COLQ: variants seen among roughly 807,000 people sequenced by gnomAD.
COLQ encodes acetylcholinesterase collagenic tail peptide.
A neutral mutation model predicts 69.0 loss-of-function variants in COLQ; 48 were observed. That is an observed-to-expected ratio of 0.70 (90% CI 0.55 to 0.88). The LOEUF (loss-of-function observed/expected upper bound fraction) is 0.88. Ranked by LOEUF, COLQ falls within the 40% of genes least tolerant of loss-of-function variation. COLQ has a pLI of 0.00. For synonymous variants in COLQ, 217 were observed against 211.2 expected, an observed-to-expected ratio of 1.03 and a Z score of -0.24; for missense variants, 618 against 594.6, an observed-to-expected ratio of 1.04 and a Z score of -0.41.
chr3:15,470,524 T>G lies in COLQ; in HGVS notation c.717+12A>C, dbSNP rs2062263545. On this transcript the variant is annotated intron_variant, in intron 11 of 16. Coordinates refer to ENST00000383788, the MANE Select transcript of COLQ (RefSeq NM_005677.4). ...CTGACCTCAGGCGGGTGGTAAGCCCTGGGATCCTTACCTGCTTGCCTCGTT... is the reference window on the plus strand; with the variant it reads ...CTGACCTCAGGCGGGTGGTAAGCCCGGGGATCCTTACCTGCTTGCCTCGTT... 6.2e-7 allele frequency: 1 copy of G among 1,612,414 alleles called. No individual in the cohort carries two copies. Among genetic ancestry groups the G allele is most frequent in the Admixed American group, 1.7e-5 (1 of 59,996 alleles).
chr3:15,456,528 C>T lies in COLQ; in HGVS notation c.1006G>A (p.Ala336Thr), dbSNP rs1221084401. Residue 336 changes from alanine (A) to threonine (T), a missense_variant, in exon 14 of 17, where the codon GCC (alanine) becomes ACC (threonine). Transcript: ENST00000383788. ...CTCTGGTCTCTGCGGAAGGCAATGG[C>T]GTTTTGGGTGTTCAGCCTCTCAAGC... is the stretch of plus-strand genomic sequence containing the variant. ...EELERLNTQN[A>T]IAFRRDQRSL... 1.2e-6 allele frequency: 2 copies of T among 1,613,988 alleles called. No homozygotes were observed. Among genetic ancestry groups the T allele is most frequent in the African/African-American group, 1.3e-5 (1 of 74,892 alleles).
At chr3:15,451,996 G>C (rs2061949948) in intron 16 of COLQ, among the ~76,000 whole-genome samples, 1 of 151,992 alleles carries the variant, frequency 6.6e-6, no homozygotes, top group South Asian at 2.1e-4. Context: ...AAAATGTCCT[G>C]TATCTGTGAA....
rs777173553 is a variant in COLQ at position 15,474,912 on chromosome 3, G to T, written c.555+13C>A. 2 of 1,613,978 alleles carry T rather than the reference G, an allele frequency of 1.2e-6. No individual in the cohort carries two copies. The highest frequency in any genetic ancestry group is 1.7e-6 in the Non-Finnish European group (2 of 1,179,982). On this transcript the variant is annotated intron_variant, in intron 8 of 16. Coordinates refer to ENST00000383788, the MANE Select transcript of COLQ (RefSeq NM_005677.4). ...GACCAGGCTCTAGGACACCATCCAA[G>T]AAAAGCACTAACCTTTTCCCCTCTG...
At chr3:15,518,647 C>T (rs972275751) in intron 1 of COLQ, among the ~76,000 whole-genome samples, 1 of 152,222 alleles carries the variant, frequency 6.6e-6, no homozygotes. Flanking sequence ...AATAGTCTTT[C>T]TTGAAGACAG....
intron 2 of COLQ, among the ~76,000 whole-genome samples, chr3:15,489,207 C>A (rs901455770): frequency 7.9e-5 from 12 of 152,196 alleles, no homozygotes; most frequent in African/African-American, 2.9e-4. Context: ...CATGTTTGAG[C>A]AGCTGATGGG....
chr3:15,497,034 G>C (rs1362977888), intron 1 of COLQ, among the ~76,000 whole-genome samples: 3 of 133,586 alleles, frequency 2.2e-5, no homozygotes, highest in Non-Finnish European at 3.1e-5. Context: ...AAGTCCTTTT[G>C]CCTTTTTTTT....
intron 13 of COLQ, among the ~76,000 whole-genome samples, chr3:15,457,509 C>A (rs373513002): frequency 2.0e-5 from 3 of 152,134 alleles, no homozygotes; most frequent in African/African-American, 7.2e-5. Context: ...GGGTTCATTA[C>A]ACTATTTGTT....
At chr3:15,456,391 C>T in intron 14 of COLQ, 69 bp downstream of exon 14, 1 of 1,602,686 alleles carries the variant, frequency 6.2e-7, no homozygotes, top group Non-Finnish European at 8.5e-7. Flanking sequence ...GGGTGGCCTT[C>T]CCTTCCTTTA....
chr3:15,498,814 GA>G (rs1192614125), intron 1 of COLQ: 1 of 1,469,116 alleles, frequency 6.8e-7, no homozygotes, highest in African/African-American at 1.4e-5. Flanking sequence ...AGCTGCCCAT[GA>G]ACACTGCTGT....
rs542160689 is a variant in COLQ at position 15,489,487 on chromosome 3, T to C, written c.219+38A>G. ...GCTGCGTGGTGTGCACTGAGTAGCC[T>C]GCACTTTTTTTCCTCTCATAAATCC... On this transcript the variant is annotated intron_variant, in intron 2 of 16. Coordinates refer to ENST00000383788, the MANE Select transcript of COLQ (RefSeq NM_005677.4). 2.3e-5 allele frequency: 37 copies of C among 1,595,482 alleles called. No homozygotes were observed. In the South Asian group the frequency reaches 3.5e-4, roughly 15 times the overall value.
At chr3:15,452,105 C>T (rs1243813127) in intron 16 of COLQ, among the ~76,000 whole-genome samples, 1 of 149,788 alleles carries the variant, frequency 6.7e-6, no homozygotes, top group Non-Finnish European at 1.5e-5. Flanking sequence ...TTCGCTCTGT[C>T]CCCCAGGCTG....
chr3:15,452,160 A>G (rs9876391), intron 16 of COLQ, among the ~76,000 whole-genome samples: 11,269 of 150,328 alleles, frequency 0.075, 775 homozygotes, highest in African/African-American at 0.18. Flanking sequence ...TCTGCCTCCC[A>G]GGTTCAAGCG....
At chr3:15,458,652 G>T (rs1192538647) in intron 12 of COLQ, among the ~76,000 whole-genome samples, 1 of 152,190 alleles carries the variant, frequency 6.6e-6, no homozygotes, top group Non-Finnish European at 1.5e-5. Context: ...GGCTCATGGG[G>T]CCTGGGGCCC....
chr3:15,470,733 T>C, intron 10 of COLQ, 117 bp from the exon 11 acceptor site: 2 of 969,002 alleles, frequency 2.1e-6, no homozygotes, highest in Non-Finnish European at 3.4e-6. Flanking sequence ...TCCGAATCTA[T>C]GCCAACTGGG....
intron 1 of COLQ, among the ~76,000 whole-genome samples, chr3:15,516,264 A>G (rs564902966): frequency 6.6e-6 from 1 of 152,386 alleles, no homozygotes; most frequent in East Asian, 1.9e-4. Flanking sequence ...TAAATGGTCC[A>G]TAATCTAGTG....
In COLQ at chr3:15,454,147, A is replaced by G. The variant is rs3773458; in HGVS notation, c.1196-216T>C. Among the ~76,000 whole-genome samples the G allele has an allele frequency of 0.37, 56,897 of 151,760 alleles. 10,664 individuals are homozygous for G. Among genetic ancestry groups the G allele is most frequent in the East Asian group, 0.49 (2,501 of 5,122 alleles). On this transcript the variant is annotated intron_variant, in intron 15 of 16. Transcript: ENST00000383788. ...ACAAGAAGAAGGAGATCCTGGCTCC[A>G]GCCCCGCCTCACAACTTACTAGCTG...
intron 9 of COLQ, 85 bp from the exon 10 acceptor site, chr3:15,474,120 A>G (rs2062336145): frequency 6.2e-7 from 1 of 1,602,860 alleles, no homozygotes; most frequent in Non-Finnish European, 8.5e-7. Context: ...GTCATTTTCA[A>G]GATGGAGGCC....
At chr3:15,465,603 T>C (rs2062187748) in intron 12 of COLQ, among the ~76,000 whole-genome samples, 1 of 138,794 alleles carries the variant, frequency 7.2e-6, no homozygotes, top group Admixed American at 8.0e-5. Flanking sequence ...GTAATTTCTT[T>C]CTACATCTTT....
chr3:15,508,931 G>A (rs1269410608), intron 1 of COLQ, among the ~76,000 whole-genome samples: 2 of 151,980 alleles, frequency 1.3e-5, no homozygotes, highest in Admixed American at 6.6e-5. Context: ...CAGGCAGATC[G>A]CTTGAGCTCA....
Sources: gnomAD v4.1 joint callset for allele counts (sites outside exome capture counted in the v4.1 genomes callset) on GRCh38, gnomAD v4.1.1 for gene constraint, MANE v1.5 for transcripts, NCBI Gene and HGNC (gene_info 2026-07-23, HGNC 2026-07-21) for gene names.